The following TOX2 variants were observed in gnomAD, a reference collection of about 807,000 sequenced individuals.
The protein encoded by TOX2 is granulosa cell HMG box 1.
In TOX2, 15 loss-of-function variants were observed where a neutral mutation model predicts 47.4. The ratio of observed to expected loss-of-function variants is 0.32; its 90% CI spans 0.21 to 0.49. TOX2 has a LOEUF of 0.49. TOX2 is among the 20% of genes least tolerant of loss of function. The pLI, the probability that TOX2 is intolerant of heterozygous loss-of-function variation, is 0.99. For synonymous variants in TOX2, 290 were observed against 296.6 expected, an observed-to-expected ratio of 0.98 and a Z score of 0.23; for missense variants, 622 against 673.1, an observed-to-expected ratio of 0.92 and a Z score of 0.84.
At chr20:44,034,798 C>A (rs538150137) in intron 3 of TOX2, among the ~76,000 whole-genome samples, 1 of 152,250 alleles carries the variant, frequency 6.6e-6, no homozygotes, top group African/African-American at 2.4e-5. Flanking sequence ...GAAGAGAATA[C>A]CCCCAAAAGA....
At chr20:43,919,843 G>T (rs2069094877) in intron 1 of TOX2, among the ~76,000 whole-genome samples, 1 of 152,216 alleles carries the variant, frequency 6.6e-6, no homozygotes, top group Non-Finnish European at 1.5e-5. Flanking sequence ...CCACTGCAAA[G>T]GACATGATCT....
intron 3 of TOX2, among the ~76,000 whole-genome samples, chr20:44,014,472 T>A (rs1210500255): frequency 1.3e-5 from 2 of 152,032 alleles, no homozygotes; most frequent in Non-Finnish European, 2.9e-5. Context: ...CTCTGTGCAT[T>A]TTTGGTTTCT....
At chr20:43,935,541 C>G (rs776239350) in intron 1 of TOX2, among the ~76,000 whole-genome samples, 29 of 152,104 alleles carry the variant, frequency 1.9e-4, no homozygotes, top group Non-Finnish European at 3.2e-4. Context: ...CCTACAACAG[C>G]CCTGCAAATT....
chr20:43,993,475 G>T (rs554832652), intron 2 of TOX2, among the ~76,000 whole-genome samples: 19 of 152,040 alleles, frequency 1.2e-4, no homozygotes, highest in Non-Finnish European at 1.9e-4. Flanking sequence ...GATGAGAGAG[G>T]GAGGAATTGA....
chr20:44,031,041 G>A (rs1208381171), intron 3 of TOX2, among the ~76,000 whole-genome samples: 3 of 152,204 alleles, frequency 2.0e-5, no homozygotes, highest in Non-Finnish European at 4.4e-5. Context: ...GTGGGTGTGA[G>A]GTTCACTGCT....
At chr20:44,027,529 T>C (rs1371601561) in intron 3 of TOX2, among the ~76,000 whole-genome samples, 1 of 152,238 alleles carries the variant, frequency 6.6e-6, no homozygotes, top group African/African-American at 2.4e-5. Flanking sequence ...CTGTGTCTCC[T>C]GCTCCAGTTC....
intron 3 of TOX2, 133 bp downstream of exon 3, chr20:44,006,925 G>A: frequency 5.2e-6 from 7 of 1,347,696 alleles, no homozygotes; most frequent in Non-Finnish European, 3.9e-6. Context: ...CTGGTTGCTT[G>A]GAGTTGGTAA....
chr20:44,039,558 T>C (rs1315290947), intron 3 of TOX2, among the ~76,000 whole-genome samples: 1 of 152,048 alleles, frequency 6.6e-6, no homozygotes, highest in Non-Finnish European at 1.5e-5. Context: ...ACACAAAGGT[T>C]TGGGTGCAAG....
At chr20:43,949,853 G>A (rs532204935) in intron 1 of TOX2, among the ~76,000 whole-genome samples, 73 of 152,242 alleles carry the variant, frequency 4.8e-4, no homozygotes, top group South Asian at 4.1e-3. Context: ...CATCACCCAC[G>A]ATGATGCACC....
chr20:43,961,564 G>A (rs552418672), intron 1 of TOX2, among the ~76,000 whole-genome samples: 146 of 149,740 alleles, frequency 9.8e-4, no homozygotes, highest in African/African-American at 3.0e-3. Flanking sequence ...ATGAGTGAAC[G>A]AATGAGGGAA....
intron 1 of TOX2, among the ~76,000 whole-genome samples, chr20:43,923,097 G>A (rs1392610531): frequency 6.6e-6 from 1 of 152,132 alleles, no homozygotes; most frequent in African/African-American, 2.4e-5. Context: ...CAGGCAGAGG[G>A]AGCAGCCATT....
At chr20:43,971,996 C>A (rs2069979334) in intron 1 of TOX2, among the ~76,000 whole-genome samples, 1 of 152,128 alleles carries the variant, frequency 6.6e-6, no homozygotes, top group Non-Finnish European at 1.5e-5. Context: ...AATTTTGAAC[C>A]ATGTGAATAT....
chr20:44,060,881 G>A (rs1017259725), intron 5 of TOX2, among the ~76,000 whole-genome samples: 3 of 151,866 alleles, frequency 2.0e-5, no homozygotes, highest in Non-Finnish European at 2.9e-5. Flanking sequence ...AAACTCAAAC[G>A]CAGCAGAAGA....
rs528626601 is a variant in TOX2 at position 44,056,581 on chromosome 20, G to C, written c.879+2055G>C. On this transcript the variant is annotated intron_variant, in intron 5 of 8. Coordinates refer to ENST00000341197, the MANE Select transcript of TOX2 (RefSeq NM_001098797.2). Reference sequence around the variant, plus strand: ...GTTGAGAGTCCCAGCCCCTGTGTCGGTTTCATTTCTGCTTACCTGTCTGAC... The same window carrying C: ...GTTGAGAGTCCCAGCCCCTGTGTCGCTTTCATTTCTGCTTACCTGTCTGAC... 2.0e-5 allele frequency among the ~76,000 whole-genome samples: 3 copies of C among 152,238 alleles called. No homozygotes were observed. In the South Asian group the frequency reaches 6.2e-4, roughly 32 times the overall value.
chr20:44,013,666 C>T lies in TOX2; in HGVS notation c.411+6874C>T, dbSNP rs186464664. Among the ~76,000 whole-genome samples the T allele has an allele frequency of 6.6e-5, 10 of 152,270 alleles. No individual in the cohort carries two copies. The East Asian group carries it at 1.4e-3, about 21-fold the overall frequency. ...GATTTCTCATTATTTGGCAGGTCAG[C>T]GAGGTAGTTGTTTTGATCTGGACTG... On this transcript the variant is annotated intron_variant, in intron 3 of 8. Transcript: ENST00000341197.
At chr20:43,927,369 G>A (rs1162587026) in intron 1 of TOX2, among the ~76,000 whole-genome samples, 1 of 151,590 alleles carries the variant, frequency 6.6e-6, no homozygotes. Flanking sequence ...TTCCCCTGTG[G>A]GCTGGTATTT....
chr20:44,033,269 G>A (rs1480069121), intron 3 of TOX2, among the ~76,000 whole-genome samples: 1 of 152,038 alleles, frequency 6.6e-6, no homozygotes, highest in East Asian at 1.9e-4. Flanking sequence ...AAAGGAGATA[G>A]TTTTCAATTA....
At chr20:43,939,046 C>T (rs1038540979) in intron 1 of TOX2, among the ~76,000 whole-genome samples, 1 of 152,210 alleles carries the variant, frequency 6.6e-6, no homozygotes, top group Non-Finnish European at 1.5e-5. Flanking sequence ...CCTCTGCAGC[C>T]ATCCAGACAG....
intron 1 of TOX2, among the ~76,000 whole-genome samples, chr20:43,966,585 C>G (rs768715071): frequency 2.0e-5 from 3 of 151,862 alleles, no homozygotes; most frequent in Non-Finnish European, 4.4e-5. Context: ...TGGTGAAACC[C>G]CGTCTCTAAA....
Sources: allele counts gnomAD v4.1 joint callset (sites outside exome capture counted in the v4.1 genomes callset), GRCh38; gene constraint gnomAD v4.1.1; transcripts MANE v1.5; gene names NCBI Gene and HGNC (gene_info 2026-07-23, HGNC 2026-07-21).